The following GPR39 variants were observed in gnomAD, a reference collection of about 807,000 sequenced individuals.
GPR39 encodes G protein-coupled receptor 39.
Under a neutral mutation model 18.4 loss-of-function variants are expected in GPR39, and 23 were observed. That is an observed-to-expected ratio of 1.25 (90% CI 0.90 to 1.77). The LOEUF is 1.77. Among genes scored for constraint, GPR39 ranks in the 40% most tolerant of loss-of-function variants. GPR39 has a pLI of 0.00. For missense variants in GPR39, 647 were observed against 602.4 expected (o/e 1.07, Z -0.78); for synonymous variants, 280 against 257.9 (o/e 1.09, Z -0.82).
At chr2:132,419,285 T>C (rs1203315096) in intron 1 of GPR39, among the ~76,000 whole-genome samples, 4 of 152,240 alleles carry the variant, frequency 2.6e-5, no homozygotes, top group Non-Finnish European at 5.9e-5. Flanking sequence ...GCCAGGTGAC[T>C]GATATTTCCA....
At chr2:132,559,161 TG>T (rs1284119163) in intron 1 of GPR39, among the ~76,000 whole-genome samples, 2 of 152,246 alleles carry the variant, frequency 1.3e-5, no homozygotes, top group Non-Finnish European at 2.9e-5. Context: ...TCCAATGTTT[TG>T]AAATTCATTT....
intron 1 of GPR39, among the ~76,000 whole-genome samples, chr2:132,630,091 A>C (rs1366054683): frequency 1.3e-5 from 2 of 152,214 alleles, no homozygotes; most frequent in Non-Finnish European, 2.9e-5. Context: ...ACACTATGCC[A>C]AGCACTGCAG....
intron 1 of GPR39, among the ~76,000 whole-genome samples, chr2:132,588,036 G>A (rs1680762365): frequency 6.6e-6 from 1 of 152,156 alleles, no homozygotes; most frequent in Non-Finnish European, 1.5e-5. Flanking sequence ...TATAACTCAT[G>A]GAGTATAGGA....
chr2:132,465,067 A>G (rs1192439550), intron 1 of GPR39, among the ~76,000 whole-genome samples: 1 of 152,220 alleles, frequency 6.6e-6, no homozygotes, highest in Non-Finnish European at 1.5e-5. Context: ...TTTGGATTTG[A>G]GACATAATTC....
chr2:132,421,096 G>A (rs1280255420), intron 1 of GPR39, among the ~76,000 whole-genome samples: 1 of 152,204 alleles, frequency 6.6e-6, no homozygotes, highest in Non-Finnish European at 1.5e-5. Flanking sequence ...CTGGAGGAAA[G>A]GAACTGATAA....
intron 1 of GPR39, among the ~76,000 whole-genome samples, chr2:132,588,385 T>C (rs985244378): frequency 1.3e-5 from 2 of 152,208 alleles, no homozygotes; most frequent in East Asian, 1.9e-4. Flanking sequence ...TTTAAACCAC[T>C]ACCAATTTAT....
intron 1 of GPR39, chr2:132,523,607 G>T (rs571764506): frequency 6.6e-6 from 1 of 152,280 alleles, no homozygotes; most frequent in Non-Finnish European, 1.5e-5. Context: ...GCTTTTTAAA[G>T]ATTAAACAAG....
chr2:132,621,246 A>G (rs547831452), intron 1 of GPR39, among the ~76,000 whole-genome samples: 1 of 152,274 alleles, frequency 6.6e-6, no homozygotes, highest in Non-Finnish European at 1.5e-5. Context: ...GCTGTGCTGA[A>G]AACGGGTCCC....
chr2:132,474,841 G>A (rs13423568), intron 1 of GPR39, among the ~76,000 whole-genome samples: 6,428 of 152,174 alleles, frequency 0.042, 443 homozygotes, highest in African/African-American at 0.15. Context: ...GTGGACAGCC[G>A]CCATAAAGAA....
At chr2:132,569,606 C>T (rs1200832710) in intron 1 of GPR39, among the ~76,000 whole-genome samples, 2 of 142,244 alleles carry the variant, frequency 1.4e-5, no homozygotes, top group Non-Finnish European at 3.0e-5. Context: ...ATCCAGAGTC[C>T]TGACCATACT....
intron 1 of GPR39, among the ~76,000 whole-genome samples, chr2:132,494,678 G>C (rs886749156): frequency 1.3e-5 from 2 of 152,164 alleles, no homozygotes; most frequent in Admixed American, 1.3e-4. Context: ...ATTTCTAGCA[G>C]ATCATATAAC....
intron 1 of GPR39, among the ~76,000 whole-genome samples, chr2:132,442,368 C>T (rs1046538759): frequency 1.3e-5 from 2 of 152,144 alleles, no homozygotes; most frequent in African/African-American, 2.4e-5. Context: ...ACATGGGATT[C>T]TGCAGTTGAG....
intron 1 of GPR39, among the ~76,000 whole-genome samples, chr2:132,601,468 A>G (rs891374862): frequency 2.0e-5 from 3 of 152,214 alleles, no homozygotes; most frequent in African/African-American, 7.2e-5. Context: ...ATACCTCAAC[A>G]TAATAAAAGC....
chr2:132,595,008 C>CT (rs1188181688), intron 1 of GPR39, among the ~76,000 whole-genome samples: 3 of 152,046 alleles, frequency 2.0e-5, no homozygotes, highest in Non-Finnish European at 4.4e-5. Flanking sequence ...TTGTTGTTTC[C>CT]TTTTTTTGAG....
chr2:132,516,176 G>A (rs918487521), intron 1 of GPR39, among the ~76,000 whole-genome samples: 11 of 152,108 alleles, frequency 7.2e-5, no homozygotes, highest in Admixed American at 2.0e-4. Context: ...AATTCTCAGC[G>A]TCCTTGGCCA....
intron 1 of GPR39, among the ~76,000 whole-genome samples, chr2:132,490,963 C>T (rs905354276): frequency 6.6e-6 from 1 of 152,158 alleles, no homozygotes; most frequent in Admixed American, 6.5e-5. Context: ...ATACCAGGCC[C>T]GCGAGCTGAA....
chr2:132,592,913 T>G (rs1488230600), intron 1 of GPR39, among the ~76,000 whole-genome samples: 2 of 152,034 alleles, frequency 1.3e-5, no homozygotes, highest in African/African-American at 4.8e-5. Flanking sequence ...AGCTATAAAT[T>G]CAAGAGTCCC....
intron 1 of GPR39, among the ~76,000 whole-genome samples, chr2:132,611,292 T>A (rs1389084526): frequency 6.6e-6 from 1 of 152,174 alleles, no homozygotes; most frequent in Non-Finnish European, 1.5e-5. Context: ...TTATTAGGCG[T>A]CTTTTACTTG....
intron 1 of GPR39, among the ~76,000 whole-genome samples, chr2:132,530,950 G>T (rs574595579): frequency 6.6e-6 from 1 of 152,128 alleles, no homozygotes; most frequent in Admixed American, 6.5e-5. Context: ...ATCAACTAAC[G>T]AGCAAAATAA....
Sources: gnomAD v4.1 joint callset for allele counts (sites outside exome capture counted in the v4.1 genomes callset) on GRCh38, gnomAD v4.1.1 for gene constraint, MANE v1.5 for transcripts, NCBI Gene and HGNC (gene_info 2026-07-23, HGNC 2026-07-21) for gene names.